The following MALRD1 variants were observed in gnomAD, a reference collection of about 807,000 sequenced individuals.
The protein encoded by MALRD1 is MAM and LDL receptor class A domain containing 1.
MALRD1 carries 247 observed loss-of-function variants against 242.1 expected under a neutral mutation model. The ratio of observed to expected loss-of-function variants is 1.02; its 90% CI spans 0.92 to 1.13. The LOEUF is 1.13. Ranked by LOEUF, MALRD1 falls within the 50% of genes most tolerant of loss-of-function variation. The pLI is 0.00. For synonymous variants in MALRD1, 995 were observed against 866.6 expected (o/e 1.15, Z -2.60); for missense variants, 2,989 against 2,533.1 (o/e 1.18, Z -3.86).
At chr10:19,360,408 T>A (rs553939755) in intron 26 of MALRD1, among the ~76,000 whole-genome samples, 17 of 152,244 alleles carry the variant, frequency 1.1e-4, no homozygotes, top group African/African-American at 3.6e-4. Flanking sequence ...CTCTCTCCTT[T>A]AAATATAAGA....
intron 21 of MALRD1, among the ~76,000 whole-genome samples, chr10:19,285,440 G>A (rs1324204745): frequency 6.6e-6 from 1 of 151,070 alleles, no homozygotes; most frequent in African/African-American, 2.5e-5. Context: ...TAAGGTATAA[G>A]GAAGGGATCC....
Position 19,339,236 on chromosome 10 carries a change from C to A in MALRD1, c.3901+7654C>A, listed in dbSNP as rs945002774. ...TTTAGCAGTCCACTATTTAAATGAT[C>A]AATTAAAGTTTCTATTTCTGAGGTT... On this transcript the variant is annotated intron_variant, in intron 24 of 39. Transcript: ENST00000454679. 5.3e-5 allele frequency among the ~76,000 whole-genome samples: 8 copies of A among 152,054 alleles called. No homozygotes were observed. In the East Asian group the frequency reaches 1.5e-3, roughly 29 times the overall value.
intron 18 of MALRD1, among the ~76,000 whole-genome samples, chr10:19,238,245 GTAATATACATAATATATATTATA>G: frequency 2.1e-5 from 1 of 46,798 alleles, no homozygotes; most frequent in Non-Finnish European, 3.6e-5. Context: ...TATATAATAT[GTAATATACATAATATATATTATA>G]TATAATATGT....
intron 21 of MALRD1, among the ~76,000 whole-genome samples, chr10:19,321,448 T>G (rs1361765741): frequency 3.9e-5 from 6 of 152,144 alleles, no homozygotes; most frequent in African/African-American, 1.4e-4. Flanking sequence ...TAGAGATTTG[T>G]AAGCCATATT....
intron 26 of MALRD1, among the ~76,000 whole-genome samples, chr10:19,363,195 T>A (rs1313037297): frequency 2.6e-5 from 4 of 152,046 alleles, no homozygotes; most frequent in Admixed American, 2.0e-4. Flanking sequence ...TATAAAATCA[T>A]CAAAGAATGA....
Position 19,615,939 on chromosome 10 carries a change from TA to T in MALRD1, c.6137+18del, listed in dbSNP as rs1839136234. 6.8e-7 allele frequency: 1 copy of T among 1,477,558 alleles called. No individual in the cohort carries two copies. Among genetic ancestry groups the T allele is most frequent in the East Asian group, 2.5e-5 (1 of 39,438 alleles). The allele number at this position is 1,477,558 out of a possible 1,614,324, so 91.5% of individuals were successfully genotyped here. A position where few individuals can be genotyped will look rare whatever the true frequency, so the allele number is the denominator to read the frequency against. ...CTATGTGTCGGTAAGAAGCATTGTT[TA>T]ATTTTTTTTTTTAAGATTTTTTGGA... On this transcript the variant is annotated intron_variant, in intron 36 of 39. Transcript: ENST00000454679.
chr10:19,384,042 G>C (rs544715363), intron 26 of MALRD1, among the ~76,000 whole-genome samples: 31 of 151,772 alleles, frequency 2.0e-4, no homozygotes, highest in African/African-American at 6.8e-4. Flanking sequence ...TCTGGTATTG[G>C]AAGATAAGTA....
At chr10:19,393,745 G>T (rs576197956) in intron 28 of MALRD1, among the ~76,000 whole-genome samples, 18 of 151,762 alleles carry the variant, frequency 1.2e-4, no homozygotes, top group African/African-American at 3.4e-4. Flanking sequence ...GTGAGCCACC[G>T]CGCCCGGCCC....
intron 21 of MALRD1, among the ~76,000 whole-genome samples, chr10:19,315,669 A>G (rs376507636): frequency 7.7e-6 from 1 of 130,064 alleles, no homozygotes; most frequent in Non-Finnish European, 1.6e-5. Context: ...TTATATGACT[A>G]TAGTTATATA....
chr10:19,719,191 CAT>C (rs1181665534), intron 38 of MALRD1, among the ~76,000 whole-genome samples: 19 of 33,406 alleles, frequency 5.7e-4, no homozygotes, highest in East Asian at 8.2e-4. Flanking sequence ...TATATATATA[CAT>C]ACATATATAT....
chr10:19,496,095 G>A (rs1032408049), intron 30 of MALRD1, among the ~76,000 whole-genome samples: 1 of 152,124 alleles, frequency 6.6e-6, no homozygotes, highest in South Asian at 2.1e-4. Context: ...CCTATGAAGA[G>A]ACTTAGACTC....
chr10:19,597,450 G>C (rs1478284843), intron 34 of MALRD1, among the ~76,000 whole-genome samples: 1 of 152,134 alleles, frequency 6.6e-6, no homozygotes, highest in Non-Finnish European at 1.5e-5. Context: ...ATAGACTGGG[G>C]ACAAAATTCT....
At chr10:19,556,690 T>TTGGCAA (rs1835733194) in intron 32 of MALRD1, among the ~76,000 whole-genome samples, 1 of 152,154 alleles carries the variant, frequency 6.6e-6, no homozygotes, top group Non-Finnish European at 1.5e-5. Context: ...CTTCCAAGTT[T>TTGGCAA]TGGCAATTAT....
chr10:19,649,551 A>G (rs1156481961), intron 36 of MALRD1, among the ~76,000 whole-genome samples: 2 of 152,122 alleles, frequency 1.3e-5, no homozygotes, highest in East Asian at 3.9e-4. Context: ...GTGTCTGTTC[A>G]TGTCCTTTGT....
intron 11 of MALRD1, among the ~76,000 whole-genome samples, chr10:19,150,229 T>C (rs541992068): frequency 6.6e-6 from 1 of 152,306 alleles, no homozygotes; most frequent in South Asian, 2.1e-4. Flanking sequence ...TTTTTGTTTT[T>C]GTTTTTGTTT....
intron 28 of MALRD1, among the ~76,000 whole-genome samples, chr10:19,450,025 C>T (rs1380708967): frequency 1.3e-5 from 2 of 152,088 alleles, no homozygotes; most frequent in Non-Finnish European, 1.5e-5. Context: ...CAGGTTACAG[C>T]TGTCAGTTTC....
chr10:19,352,875 A>C (rs1373823818), intron 26 of MALRD1, among the ~76,000 whole-genome samples: 1 of 152,206 alleles, frequency 6.6e-6, no homozygotes, highest in Non-Finnish European at 1.5e-5. Context: ...TGTTGTAAGT[A>C]GTAGAATTAG....
At chr10:19,711,003 T>C (rs1300615539) in intron 38 of MALRD1, 1 of 152,216 alleles carries the variant, frequency 6.6e-6, no homozygotes, top group Non-Finnish European at 1.5e-5. Flanking sequence ...GTTATATAGT[T>C]TTCCAATGGC....
In MALRD1 at chr10:19,246,012, C is replaced by T. The variant is rs549812041; in HGVS notation, c.2992-11672C>T. On this transcript the variant is annotated intron_variant, in intron 18 of 39. Coordinates refer to ENST00000454679, the MANE Select transcript of MALRD1 (RefSeq NM_001142308.3). Reference sequence around the variant, plus strand: ...TGGAAGGTAGCTGAATTATAAAAAACGATGATGTGTTAAACAGTTAATAAG... The same window carrying T: ...TGGAAGGTAGCTGAATTATAAAAAATGATGATGTGTTAAACAGTTAATAAG... 5.9e-5 allele frequency among the ~76,000 whole-genome samples: 9 copies of T among 152,180 alleles called. No homozygotes were observed. In the East Asian group the frequency reaches 1.2e-3, roughly 20 times the overall value.
Sources: allele counts gnomAD v4.1 joint callset (sites outside exome capture counted in the v4.1 genomes callset), GRCh38; gene constraint gnomAD v4.1.1; transcripts MANE v1.5; gene names NCBI Gene and HGNC (gene_info 2026-07-23, HGNC 2026-07-21).